LHX6: variants seen among roughly 807,000 people sequenced by gnomAD.
LHX6 encodes LIM/homeobox protein Lhx6.
In LHX6, 15 loss-of-function variants were observed where a neutral mutation model predicts 47.1. The observed-to-expected ratio is 0.32, with a 90% CI of 0.21 to 0.49. LHX6 has a LOEUF of 0.49. Ranked by LOEUF, LHX6 falls within the 20% of genes least tolerant of loss-of-function variation. LHX6 has a pLI of 0.99. For synonymous variants in LHX6, 242 were observed against 233.5 expected, an observed-to-expected ratio of 1.04 and a Z score of -0.33; for missense variants, 404 against 539.6, an observed-to-expected ratio of 0.75 and a Z score of 2.49.
At position 122,213,580 on chromosome 9, in the gene LHX6, C is replaced by A. The variant is rs200272141; in HGVS notation, c.1054+26G>T. 22 of 1,529,384 alleles carry A rather than the reference C, an allele frequency of 1.4e-5. No homozygotes were observed. The East Asian group carries it at 2.8e-4, about 19-fold the overall frequency. 94.7% of individuals were successfully genotyped at this position (1,529,384 alleles called of 1,614,324 possible). On this transcript the variant is annotated intron_variant, in intron 8 of 9. Coordinates refer to ENST00000394319, the MANE Select transcript of LHX6 (RefSeq NM_014368.5). This position sits in a 1 kb window ranked among gnomAD's most constrained non-coding sequence, Gnocchi z 5.5. Reference sequence around the variant, plus strand: ...CCGCGCCCCCTCCCCGCAGGCCCAGCGGCTCCCGGCGCTGCGGTTACTTAC... The same window carrying A: ...CCGCGCCCCCTCCCCGCAGGCCCAGAGGCTCCCGGCGCTGCGGTTACTTAC...
intron 4 of LHX6, among the ~76,000 whole-genome samples, chr9:122,224,637 C>T (rs1047763773): frequency 9.2e-5 from 14 of 151,836 alleles, no homozygotes; most frequent in Admixed American, 2.0e-4. Context: ...AATCCCCTCA[C>T]CTCACCCTCT....
chr9:122,228,318 C>G (rs1475744679), intron 1 of LHX6: 6 of 1,534,790 alleles, frequency 3.9e-6, no homozygotes, highest in South Asian at 3.6e-5. Context: ...GGCCCCGCGT[C>G]GGGATTCTCA....
Position 122,226,854 on chromosome 9 carries a change from C to A in LHX6, c.333G>T (p.Leu111=). 1 of 1,565,102 alleles carries A rather than the reference C, an allele frequency of 6.4e-7. No individual in the cohort carries two copies. The highest frequency in any genetic ancestry group is 1.9e-5 in the Admixed American group (1 of 52,698). The part of the protein sequence containing the change: ...SCGLEILDRY[L]LKVNNLIWHV... ...ACACCTACCCCTGTCTCACCTTGAG[C>A]AGATATCGGTCCAGGATCTCGAGGC... Residue 111 remains leucine, a synonymous_variant, in exon 3 of 10, where the codon CTG becomes CTT. Transcript: ENST00000394319. The surrounding 1 kb of genome is among the most constrained non-coding windows in gnomAD (Gnocchi z 6.5).
chr9:122,222,656 G>A (rs1022046766), intron 4 of LHX6, among the ~76,000 whole-genome samples: 1 of 152,152 alleles, frequency 6.6e-6, no homozygotes, highest in Non-Finnish European at 1.5e-5. Context: ...TGGTGAACTT[G>A]GAGTTCCTTC....
intron 4 of LHX6, among the ~76,000 whole-genome samples, chr9:122,220,125 G>A (rs762891123): frequency 6.6e-6 from 1 of 152,202 alleles, no homozygotes; most frequent in African/African-American, 2.4e-5. Flanking sequence ...TTCCTGTCCC[G>A]CGAGTCCCCG....
rs1450758206 is a variant in LHX6, at chr9:122,228,674, C to CGCCCTCGGCCGGCAGCCGGCA, written c.46_66dup (p.Cys16_Gly22dup). Reference sequence around the variant, plus strand: ...CGGCTCACCTGGTCGGTGGCGGGGCCGCCCTCGGCCGGCAGCCGGCAGCCC... The same window carrying CGCCCTCGGCCGGCAGCCGGCA: ...CGGCTCACCTGGTCGGTGGCGGGGCCGCCCTCGGCCGGCAGCCGGCAGCCCTCGGCCGGCAGCCGGCAGCCC... On this transcript the variant is annotated inframe_insertion, in exon 1 of 10. Transcript: ENST00000394319. 4.7e-6 allele frequency: 6 copies of CGCCCTCGGCCGGCAGCCGGCA among 1,287,842 alleles called. No homozygotes were observed. The highest frequency in any genetic ancestry group is 5.9e-6 in the Non-Finnish European group (6 of 1,018,704). The allele number at this position is 1,287,842 out of a possible 1,614,324, so 79.8% of individuals were successfully genotyped here.
chr9:122,212,148 C>T (rs556794131), intron 8 of LHX6, among the ~76,000 whole-genome samples: 1 of 152,282 alleles, frequency 6.6e-6, no homozygotes, highest in East Asian at 1.9e-4. Context: ...TCGTTTGATG[C>T]TCAGAACACT....
chr9:122,220,708 C>T (rs1472691979), intron 4 of LHX6, among the ~76,000 whole-genome samples: 1 of 152,154 alleles, frequency 6.6e-6, no homozygotes, highest in Non-Finnish European at 1.5e-5. Flanking sequence ...GGATGCGCGG[C>T]GCTTTGGGGA....
chr9:122,227,417 G>C lies in LHX6; in HGVS notation c.148C>G (p.Pro50Ala). 1 of 1,529,154 alleles carries C rather than the reference G, an allele frequency of 6.5e-7. No individual in the cohort carries two copies. Among genetic ancestry groups the C allele is most frequent in the Non-Finnish European group, 8.8e-7 (1 of 1,139,688 alleles). The allele number at this position is 1,529,154 out of a possible 1,614,324, so 94.7% of individuals were successfully genotyped here. The change falls in exon 2 of 10, where the codon CCC becomes GCC. Residue 50 changes from proline to alanine, a missense_variant. By Grantham distance (27) the Pro-to-Ala change is conservative (BLOSUM62 -1). This residue lies in a region of LHX6 where 144 missense variants were observed against 128.7 expected (regional missense o/e 1.12). Transcript: ENST00000394319. ...GGGCCAAACGGACTCACCATGGCGG[G>C]CGGCGCGGTCCCTTCAAGACAGCGG... The part of the protein sequence containing the change: ...TTRCLEGTAP[P>A]AMAQSDAEAL...
At position 122,213,597 on chromosome 9, in the gene LHX6, G is replaced by C. The variant is rs758258901; in HGVS notation, c.1054+9C>G. ...AGGCCCAGCGGCTCCCGGCGCTGCG[G>C]TTACTTACTCTCAATGTAGCCGTGC... On this transcript the variant is annotated intron_variant, in intron 8 of 9. Transcript: ENST00000394319. This position sits in a 1 kb window ranked among gnomAD's most constrained non-coding sequence, Gnocchi z 5.5. 1 of 1,561,964 alleles carries C rather than the reference G, an allele frequency of 6.4e-7. No individual in the cohort carries two copies. Among genetic ancestry groups the C allele is most frequent in the Non-Finnish European group, 8.7e-7 (1 of 1,155,582 alleles).
At position 122,217,416 on chromosome 9, in the gene LHX6, T is replaced by C; in HGVS notation, c.462-128A>G. 1.5e-6 allele frequency: 1 copy of C among 682,082 alleles called. No homozygotes were observed. The highest frequency in any genetic ancestry group is 1.8e-5 in the South Asian group (1 of 54,616). 42.3% of individuals were successfully genotyped at this position (682,082 alleles called of 1,614,324 possible). The stretch of plus-strand genomic sequence containing the variant: ...AAGTCTTCAACTCAGGCATTAGCCT[T>C]AGCTTGGACGCAACAACACTCTACA... On this transcript the variant is annotated intron_variant, in intron 4 of 9. Transcript: ENST00000394319. This position sits in a 1 kb window ranked among gnomAD's most constrained non-coding sequence, Gnocchi z 4.9.
chr9:122,214,133 G>T lies in LHX6; in HGVS notation c.784-64C>A. On this transcript the variant is annotated intron_variant, in intron 6 of 9. Transcript: ENST00000394319. This position sits in a 1 kb window ranked among gnomAD's most constrained non-coding sequence, Gnocchi z 4.6. The stretch of plus-strand genomic sequence containing the variant: ...AGACTCCGAGACCCCGGCCCAATCA[G>T]CGGCGCCAGTCCACAGGCCACGCCC... 2.7e-6 allele frequency: 4 copies of T among 1,498,484 alleles called. No homozygotes were observed. The highest frequency in any genetic ancestry group is 1.9e-5 in the Admixed American group (1 of 53,908). 92.8% of individuals were successfully genotyped at this position (1,498,484 alleles called of 1,614,324 possible).
intron 4 of LHX6, among the ~76,000 whole-genome samples, chr9:122,219,440 G>GA (rs1354679401): frequency 6.6e-6 from 1 of 152,188 alleles, no homozygotes; most frequent in African/African-American, 2.4e-5. Context: ...AAGGGGAGAG[G>GA]AAACAGCTTT....
chr9:122,227,745 G>T (rs1181573671), intron 1 of LHX6: 1 of 561,270 alleles, frequency 1.8e-6, no homozygotes, highest in Non-Finnish European at 2.8e-6. Flanking sequence ...TAGTTCCCTT[G>T]CAATCCAAGC....
chr9:122,227,045 A>G lies in LHX6; in HGVS notation c.157-15T>C. ...TCAGACTGAGCCTGCGGCGGGGGAG[A>G]GAAGGAGAGGAGCGCTGATCCGGGC... On this transcript the variant is annotated splice_polypyrimidine_tract_variant and intron_variant, in intron 2 of 9. Transcript: ENST00000394319. 6.8e-7 allele frequency: 1 copy of G among 1,469,670 alleles called. No individual in the cohort carries two copies. Among genetic ancestry groups the G allele is most frequent in the Non-Finnish European group, 9.0e-7 (1 of 1,110,150 alleles). The allele number at this position is 1,469,670 out of a possible 1,614,324, so 91.0% of individuals were successfully genotyped here. A position where few individuals can be genotyped will look rare whatever the true frequency, so the allele number is the denominator to read the frequency against.
chr9:122,228,087 C>T (rs1831185673), intron 1 of LHX6: 1 of 597,744 alleles, frequency 1.7e-6, no homozygotes, highest in Non-Finnish European at 2.9e-6. Context: ...GAAAAGAAAA[C>T]CCCGAGCGCG....
Position 122,217,590 on chromosome 9 carries a change from T to G in LHX6, c.462-302A>C, listed in dbSNP as rs1830643177. 6.6e-6 allele frequency among the ~76,000 whole-genome samples: 1 copy of G among 152,222 alleles called. No individual in the cohort carries two copies. Among genetic ancestry groups the G allele is most frequent in the South Asian group, 2.1e-4 (1 of 4,834 alleles). ...ACATCACAAGTTAGAAAAAACACAATAATAGTAATAATAAGCAAGTTGTTG... is the reference window on the plus strand; with the variant it reads ...ACATCACAAGTTAGAAAAAACACAAGAATAGTAATAATAAGCAAGTTGTTG... On this transcript the variant is annotated intron_variant, in intron 4 of 9. Transcript: ENST00000394319. This position sits in a 1 kb window ranked among gnomAD's most constrained non-coding sequence, Gnocchi z 4.9.
chr9:122,207,175 G>A (rs929001106), intron 9 of LHX6, among the ~76,000 whole-genome samples: 5 of 152,104 alleles, frequency 3.3e-5, no homozygotes, highest in Non-Finnish European at 5.9e-5. Context: ...CTAGGATCCC[G>A]GCCAGTTCTG....
intron 4 of LHX6, among the ~76,000 whole-genome samples, chr9:122,224,368 G>T (rs1418674558): frequency 1.3e-5 from 2 of 152,112 alleles, no homozygotes; most frequent in African/African-American, 4.8e-5. Flanking sequence ...CCTAGAGCAG[G>T]GAGGTGGCTA....
Sources: allele counts gnomAD v4.1 joint callset (sites outside exome capture counted in the v4.1 genomes callset), GRCh38; gene constraint gnomAD v4.1.1; regional missense constraint gnomAD v4.1.1; non-coding constraint Gnocchi (gnomAD v3.1); transcripts MANE v1.5; gene names NCBI Gene and HGNC (gene_info 2026-07-23, HGNC 2026-07-21).